Variants in HTR4 observed in about 807,000 individuals in gnomAD.
HTR4 encodes the protein 5-hydroxytryptamine (serotonin) receptor 4, G protein-coupled.
A neutral mutation model predicts 36.8 loss-of-function variants in HTR4; 16 were observed. The observed-to-expected ratio is 0.43, with a 90% CI of 0.29 to 0.66. The LOEUF (loss-of-function observed/expected upper bound fraction) is 0.66, where lower values mean the gene tolerates loss of function less well. HTR4 is among the 30% of genes least tolerant of loss of function. The pLI, the probability that HTR4 is intolerant of heterozygous loss-of-function variation, is 0.13. For synonymous variants in HTR4, 189 were observed against 185.1 expected (o/e 1.02, Z -0.17); for missense variants, 438 against 490.9 (o/e 0.89, Z 1.02).
intron 2 of HTR4, among the ~76,000 whole-genome samples, chr5:148,603,971 A>G (rs1466962307): frequency 1.3e-5 from 2 of 152,134 alleles, no homozygotes; most frequent in Non-Finnish European, 2.9e-5. Context: ...TGATATCTAT[A>G]TATATATTTA....
chr5:148,614,357 G>C (rs1343798480), intron 2 of HTR4, among the ~76,000 whole-genome samples: 1 of 152,028 alleles, frequency 6.6e-6, no homozygotes, highest in East Asian at 1.9e-4. Flanking sequence ...GAACAGAACA[G>C]AGCCCTCAGA....
At chr5:148,609,709 G>A (rs939673053) in intron 2 of HTR4, among the ~76,000 whole-genome samples, 8 of 151,958 alleles carry the variant, frequency 5.3e-5, no homozygotes, top group Non-Finnish European at 8.8e-5. Flanking sequence ...GGGACTACAG[G>A]CGCCCACCAC....
intron 2 of HTR4, among the ~76,000 whole-genome samples, chr5:148,582,219 T>C (rs555026917): frequency 2.0e-5 from 3 of 152,122 alleles, no homozygotes; most frequent in Admixed American, 1.3e-4. Flanking sequence ...AGTTTATTAG[T>C]TCTAACCTTT....
rs201206530 is a variant in HTR4, at chr5:148,482,915, G to A, written c.*288C>T. 51 of 1,306,610 alleles carry A rather than the reference G, an allele frequency of 3.9e-5. No homozygotes were observed. The highest frequency in any genetic ancestry group is 3.4e-4 in the African/African-American group (23 of 67,232). 80.9% of individuals were successfully genotyped at this position (1,306,610 alleles called of 1,614,324 possible). A position where few individuals can be genotyped will look rare whatever the true frequency, so the allele number is the denominator to read the frequency against. ...AGACAGATCAGACACAGTGAGTGACGGGAACATGTCAGAGACACCAGAGAC... is the reference window on the plus strand; with the variant it reads ...AGACAGATCAGACACAGTGAGTGACAGGAACATGTCAGAGACACCAGAGAC... On this transcript the variant is annotated 3_prime_UTR_variant, in exon 7 of 7. Transcript: ENST00000377888.
chr5:148,654,148 TGCCGCTGCGCTCCCA>T lies in HTR4; in HGVS notation c.-149_-135del. 1 of 985,672 alleles carries T rather than the reference TGCCGCTGCGCTCCCA, an allele frequency of 1.0e-6. No individual in the cohort carries two copies. The highest frequency in any genetic ancestry group is 1.2e-6 in the Non-Finnish European group (1 of 830,062). The allele number at this position is 985,672 out of a possible 1,614,324, so 61.1% of individuals were successfully genotyped here. A position where few individuals can be genotyped will look rare whatever the true frequency, so the allele number is the denominator to read the frequency against. ...TGAGCCGAGCTTCTGCTGCCGCCGC[TGCCGCTGCGCTCCCA>T]GCCGCTGCCTGCGCCCTCCCTGCCG... On this transcript the variant is annotated 5_prime_UTR_variant, in exon 1 of 7. Coordinates refer to ENST00000377888, the MANE Select transcript of HTR4 (RefSeq NM_000870.7).
chr5:148,547,460 A>C (rs1759433142), intron 4 of HTR4, among the ~76,000 whole-genome samples: 1 of 151,874 alleles, frequency 6.6e-6, no homozygotes, highest in Admixed American at 6.6e-5. Flanking sequence ...TGGAGCTTGC[A>C]GTGAGCCGAG....
intron 6 of HTR4, among the ~76,000 whole-genome samples, chr5:148,497,178 GTTTTATTTTTAT>G (rs199995313): frequency 3.3e-5 from 5 of 152,134 alleles, no homozygotes; most frequent in African/African-American, 1.2e-4. Context: ...TGTGGATGGT[GTTTTATTTTTAT>G]TTTTATTTTT....
At chr5:148,622,796 C>T (rs1752961894) in intron 2 of HTR4, among the ~76,000 whole-genome samples, 1 of 152,132 alleles carries the variant, frequency 6.6e-6, no homozygotes, top group Admixed American at 6.5e-5. Flanking sequence ...ATAAATAAAT[C>T]ATTAATATAA....
intron 6 of HTR4, chr5:148,490,780 CT>C (rs1490934994): frequency 1.8e-6 from 2 of 1,089,864 alleles, no homozygotes; most frequent in East Asian, 1.2e-4. Flanking sequence ...AACCTCAATC[CT>C]TTGTTTCTTA....
chr5:148,613,251 C>A (rs1752516832), intron 2 of HTR4, among the ~76,000 whole-genome samples: 1 of 144,774 alleles, frequency 6.9e-6, no homozygotes, highest in Non-Finnish European at 1.5e-5. Context: ...AGACCAATAT[C>A]CTTGATGAAC....
chr5:148,564,615 C>T (rs1457103350), intron 2 of HTR4, among the ~76,000 whole-genome samples: 2 of 152,170 alleles, frequency 1.3e-5, no homozygotes, highest in African/African-American at 4.8e-5. Context: ...CTCTAAACCA[C>T]TCCCCCAGAC....
At chr5:148,457,084 T>C (rs1755117842) in intron 5 of HTR4, among the ~76,000 whole-genome samples, 1 of 152,102 alleles carries the variant, frequency 6.6e-6, no homozygotes, top group Non-Finnish European at 1.5e-5. Flanking sequence ...ATAGCCCCCC[T>C]CTGCCTGCCT....
intron 1 of HTR4, among the ~76,000 whole-genome samples, chr5:148,640,068 C>G (rs968970406): frequency 2.0e-5 from 3 of 152,186 alleles, no homozygotes; most frequent in African/African-American, 7.2e-5. Flanking sequence ...AATTGAATTG[C>G]CAAAGTCATA....
At chr5:148,498,977 A>G (rs1303278166) in intron 6 of HTR4, among the ~76,000 whole-genome samples, 5 of 152,204 alleles carry the variant, frequency 3.3e-5, no homozygotes, top group Non-Finnish European at 5.9e-5. Context: ...TTGATAGATT[A>G]AAAAATGACT....
At chr5:148,462,617 A>G (rs930765449) in intron 5 of HTR4, among the ~76,000 whole-genome samples, 7 of 152,118 alleles carry the variant, frequency 4.6e-5, no homozygotes, top group African/African-American at 1.7e-4. Context: ...AATTCTCTAA[A>G]TCTGTTTTAG....
intron 2 of HTR4, among the ~76,000 whole-genome samples, chr5:148,599,582 T>C (rs1175897196): frequency 2.0e-5 from 3 of 151,710 alleles, no homozygotes; most frequent in Non-Finnish European, 4.4e-5. Context: ...TTAAGGCAAA[T>C]AAAAACAGAA....
At chr5:148,509,388 A>G in intron 6 of HTR4, 68 bp downstream of exon 6, 2 of 1,222,916 alleles carry the variant, frequency 1.6e-6, no homozygotes, top group Non-Finnish European at 2.3e-6. Flanking sequence ...GGAAACAGAA[A>G]ACTGGAGCAT....
chr5:148,630,310 C>T (rs1365266821), intron 2 of HTR4: 2 of 152,138 alleles, frequency 1.3e-5, no homozygotes, highest in Non-Finnish European at 2.9e-5. Flanking sequence ...GGAGAGCTGG[C>T]TGTATGGAAT....
chr5:148,544,253 C>T (rs1561609033), intron 4 of HTR4, among the ~76,000 whole-genome samples: 1 of 151,766 alleles, frequency 6.6e-6, no homozygotes, highest in Non-Finnish European at 1.5e-5. Context: ...CAATCTCTCT[C>T]TCTTTCTTTC....
Sources: allele counts gnomAD v4.1 joint callset (sites outside exome capture counted in the v4.1 genomes callset), GRCh38; gene constraint gnomAD v4.1.1; transcripts MANE v1.5; gene names NCBI Gene and HGNC (gene_info 2026-07-23, HGNC 2026-07-21).